Variants in BOLL observed in about 807,000 individuals in gnomAD.
The protein encoded by BOLL is boule RNA binding protein, also known as protein boule-like.
BOLL carries 23 observed loss-of-function variants against 44.4 expected under a neutral mutation model. The ratio of observed to expected loss-of-function variants is 0.52; its 90% CI spans 0.37 to 0.73. The LOEUF (loss-of-function observed/expected upper bound fraction) is 0.73, where lower values mean the gene tolerates loss of function less well. BOLL is among the 30% of genes least tolerant of loss of function. The probability of loss-of-function intolerance (pLI) is 0.00; values close to 1 mark genes in which losing one functional copy is unlikely to be tolerated. For missense variants in BOLL, 287 were observed against 338.3 expected, an observed-to-expected ratio of 0.85 and a Z score of 1.19; for synonymous variants, 97 against 110.8, an observed-to-expected ratio of 0.88 and a Z score of 0.78.
intron 9 of BOLL, among the ~76,000 whole-genome samples, chr2:197,755,365 AC>A (rs1431966320): frequency 6.6e-6 from 1 of 152,246 alleles, no homozygotes; most frequent in African/African-American, 2.4e-5. Context: ...AGGCAGAAAT[AC>A]CATTTGACCC....
chr2:197,786,062 A>G, upstream of BOLL: 1 of 1,586,258 alleles, frequency 6.3e-7, no homozygotes, highest in Non-Finnish European at 8.6e-7. This position sits in a 1 kb window ranked among gnomAD's most constrained non-coding sequence, Gnocchi z 5.9. Flanking sequence ...GTTTGAAACC[A>G]CCTTCACGCC....
In BOLL at chr2:197,785,117, G is replaced by A. The variant is rs1690009136; in HGVS notation, c.-77C>T. ...AGGCCAGCAAGTTGCGGCACTGGGG[G>A]AAATGGCCGCGGCGACAACTTCCTC... On this transcript the variant is annotated 5_prime_UTR_variant, in exon 1 of 11. Coordinates refer to ENST00000392296, the MANE Select transcript of BOLL (RefSeq NM_033030.6). This position sits in a 1 kb window ranked among gnomAD's most constrained non-coding sequence, Gnocchi z 6.7. 3.0e-6 allele frequency: 3 copies of A among 985,902 alleles called. No individual in the cohort carries two copies. Among genetic ancestry groups the A allele is most frequent in the East Asian group, 1.1e-4 (1 of 8,956 alleles). The allele number at this position is 985,902 out of a possible 1,614,324, so 61.1% of individuals were successfully genotyped here. A position where few individuals can be genotyped will look rare whatever the true frequency, so the allele number is the denominator to read the frequency against.
Position 197,728,364 on chromosome 2 carries a change from G to C in BOLL, c.*191C>G. ...CCACATCTACCTAAATAATTTTGTA[G>C]AACAGCTGAAAAAGCAAATTTCATC... On this transcript the variant is annotated 3_prime_UTR_variant, in exon 11 of 11. Transcript: ENST00000392296. The C allele has an allele frequency of 1.2e-6, 1 of 845,282 alleles. No individual in the cohort carries two copies. The highest frequency in any genetic ancestry group is 1.9e-5 in the South Asian group (1 of 52,814). The allele number at this position is 845,282 out of a possible 1,614,324, so 52.4% of individuals were successfully genotyped here. A position where few individuals can be genotyped will look rare whatever the true frequency, so the allele number is the denominator to read the frequency against.
At chr2:197,770,398 G>A (rs930029555) in intron 6 of BOLL, among the ~76,000 whole-genome samples, 15 of 151,822 alleles carry the variant, frequency 9.9e-5, no homozygotes, top group Admixed American at 3.9e-4. Flanking sequence ...AAAACCCTAG[G>A]AGAAAACCTA....
At chr2:197,767,759 T>G (rs1559412074) in intron 6 of BOLL, among the ~76,000 whole-genome samples, 1 of 151,966 alleles carries the variant, frequency 6.6e-6, no homozygotes, top group Non-Finnish European at 1.5e-5. Flanking sequence ...GCTCAAAATG[T>G]CAACAGTGCT....
intron 2 of BOLL, 145 bp downstream of exon 2, chr2:197,781,577 T>C: frequency 1.2e-6 from 1 of 857,494 alleles, no homozygotes; most frequent in Non-Finnish European, 1.6e-6. Context: ...ACATGCTGGT[T>C]GAAAAGATTC....
intron 6 of BOLL, among the ~76,000 whole-genome samples, chr2:197,769,908 G>C (rs1276226623): frequency 6.6e-6 from 1 of 152,134 alleles, no homozygotes; most frequent in African/African-American, 2.4e-5. Flanking sequence ...TCAATATTGT[G>C]AAAATGGCCA....
At chr2:197,742,009 T>G (rs564972745) in intron 10 of BOLL, among the ~76,000 whole-genome samples, 133 of 152,120 alleles carry the variant, frequency 8.7e-4, no homozygotes, top group African/African-American at 3.0e-3. Context: ...TGAAGGATAT[T>G]AACAGACACT....
chr2:197,755,030 G>T (rs1017087295), intron 9 of BOLL, among the ~76,000 whole-genome samples: 1 of 151,928 alleles, frequency 6.6e-6, no homozygotes, highest in Non-Finnish European at 1.5e-5. Context: ...TAATGTACAA[G>T]GAATTTAAAC....
At chr2:197,760,316 G>A (rs777520382) in intron 7 of BOLL, among the ~76,000 whole-genome samples, 21 of 152,280 alleles carry the variant, frequency 1.4e-4, no homozygotes, top group Admixed American at 4.6e-4. Flanking sequence ...AACAGCCCCT[G>A]ACAAACATGT....
At chr2:197,737,365 T>G (rs915191448) in intron 10 of BOLL, among the ~76,000 whole-genome samples, 3 of 152,066 alleles carry the variant, frequency 2.0e-5, no homozygotes, top group African/African-American at 7.2e-5. Context: ...TTACTGTCCT[T>G]ACATCAAAAA....
chr2:197,763,494 A>G (rs369975600), intron 7 of BOLL, among the ~76,000 whole-genome samples: 40 of 151,450 alleles, frequency 2.6e-4, no homozygotes, highest in Admixed American at 2.0e-3. Context: ...AAAAAAAAAA[A>G]AAAGAAAGAA....
intron 10 of BOLL, among the ~76,000 whole-genome samples, chr2:197,741,515 A>G (rs1290361382): frequency 2.0e-5 from 3 of 152,222 alleles, no homozygotes; most frequent in African/African-American, 7.2e-5. Flanking sequence ...CCGCATATCT[A>G]CAACTATCTG....
intron 2 of BOLL, among the ~76,000 whole-genome samples, chr2:197,780,686 T>G (rs180703394): frequency 3.4e-4 from 52 of 152,152 alleles, no homozygotes; most frequent in Middle Eastern, 3.4e-3. Context: ...ATTTCTCTTG[T>G]GCAGGAAAAA....
chr2:197,771,768 C>G, intron 6 of BOLL, 87 bp downstream of exon 6: 1 of 1,335,626 alleles, frequency 7.5e-7, no homozygotes, highest in Non-Finnish European at 1.0e-6. Context: ...TTGTAATTAT[C>G]TGTGGTTAAG....
At chr2:197,777,936 G>T (rs1689592709) in intron 3 of BOLL, among the ~76,000 whole-genome samples, 2 of 151,580 alleles carry the variant, frequency 1.3e-5, no homozygotes, top group Non-Finnish European at 3.0e-5. Context: ...TTATCTATTT[G>T]CCCAAACATT....
intron 10 of BOLL, 52 bp from the exon 11 acceptor site, chr2:197,728,630 G>A (rs1381996539): frequency 1.5e-6 from 2 of 1,307,770 alleles, no homozygotes; most frequent in South Asian, 2.4e-5. Context: ...GAAAAAAAAA[G>A]ATAAGTTAGA....
At chr2:197,762,141 C>T (rs1351093060) in intron 7 of BOLL, among the ~76,000 whole-genome samples, 4 of 152,054 alleles carry the variant, frequency 2.6e-5, no homozygotes, top group African/African-American at 9.7e-5. Flanking sequence ...GTCAGGAGTT[C>T]GAGACCGGCC....
At chr2:197,746,661 GGAGGCC>G (rs1170587012) in intron 9 of BOLL, among the ~76,000 whole-genome samples, 14 of 152,136 alleles carry the variant, frequency 9.2e-5, no homozygotes, top group Non-Finnish European at 1.5e-5. Flanking sequence ...CAGCACTTTT[GGAGGCC>G]GAGGCAGGCG....
Sources: allele counts gnomAD v4.1 joint callset (sites outside exome capture counted in the v4.1 genomes callset), GRCh38; gene constraint gnomAD v4.1.1; non-coding constraint Gnocchi (gnomAD v3.1); transcripts MANE v1.5; gene names NCBI Gene and HGNC (gene_info 2026-07-23, HGNC 2026-07-21).